CCDC198: variants seen among roughly 807,000 people sequenced by gnomAD.
The protein encoded by CCDC198 is factor associated with metabolism and energy.
CCDC198 carries 18 observed loss-of-function variants against 35.6 expected under a neutral mutation model. The ratio of observed to expected loss-of-function variants is 0.51; its 90% confidence interval spans 0.35 to 0.75. CCDC198 has a LOEUF of 0.75. Ranked by LOEUF, CCDC198 falls within the 30% of genes least tolerant of loss-of-function variation. The pLI is 0.01. For missense variants in CCDC198, 365 were observed against 343.7 expected (o/e 1.06, Z -0.49); for synonymous variants, 119 against 113.4 (o/e 1.05, Z -0.31).
At chr14:57,480,496 T>C in intron 5 of CCDC198, 99 bp downstream of exon 5, 1 of 1,390,274 alleles carries the variant, frequency 7.2e-7, no homozygotes, top group Non-Finnish European at 9.9e-7. Context: ...AGCTCAAAGC[T>C]GTTTGCTGTC....
In CCDC198 at chr14:57,480,695, T is replaced by C. The variant is rs778692926; in HGVS notation, c.555A>G (p.Pro185=). The change falls in exon 5 of 6, where the codon CCA becomes CCG. Residue 185 remains proline (P), a synonymous_variant. Transcript: ENST00000216445. ...GGGTTTTCTTGGCTTTATGGTCCCT[T>C]GGACTTTGCTTATTAATTCTTGCCT... ...HGEARINKQS[P]RDHKAKKTLQ... The C allele has an allele frequency of 1.2e-6, 2 of 1,614,042 alleles. No homozygotes were observed. The highest frequency in any genetic ancestry group is 1.7e-6 in the Non-Finnish European group (2 of 1,180,008).
At position 57,480,289 on chromosome 14, in the gene CCDC198, A is replaced by G. The variant is rs1028229052; in HGVS notation, c.655+306T>C. On this transcript the variant is annotated intron_variant, in intron 5 of 5. Transcript: ENST00000216445. ...TTCATATGCTTCATTCTCTCTAACC[A>G]CAAGATGAGGCTATTTTGCCTTTTC... 2.6e-5 allele frequency: 26 copies of G among 985,274 alleles called. No homozygotes were observed. The African/African-American group carries it at 4.2e-4, about 16-fold the overall frequency. 61.0% of individuals were successfully genotyped at this position (985,274 alleles called of 1,614,324 possible).
At chr14:57,488,501 C>G (rs988280711) in intron 2 of CCDC198, among the ~76,000 whole-genome samples, 1 of 152,088 alleles carries the variant, frequency 6.6e-6, no homozygotes, top group Non-Finnish European at 1.5e-5. Context: ...CATTCATTTA[C>G]TCATTCATTT....
At chr14:57,478,167 T>G (rs772955149) in intron 5 of CCDC198, among the ~76,000 whole-genome samples, 25 of 152,346 alleles carry the variant, frequency 1.6e-4, no homozygotes, top group Admixed American at 4.6e-4. Context: ...TGCCAGCTGC[T>G]TTAACTTTCC....
rs1243441209 is a variant in CCDC198, at chr14:57,469,425, A to G, written c.*1930T>C. The G allele has an allele frequency of 6.6e-6, 1 of 152,202 alleles. No homozygotes were observed. The highest frequency in any genetic ancestry group is 1.5e-5 in the Non-Finnish European group (1 of 68,038). The allele number at this position is 152,202 out of a possible 1,614,324, so 9.4% of individuals were successfully genotyped here. ...AGCTCACAGTTCATTAAGCTTGTGG[A>G]AGTGGGTTTCGTGAAATTGAATTTT... On this transcript the variant is annotated 3_prime_UTR_variant, in exon 6 of 6. Transcript: ENST00000216445.
chr14:57,490,569 T>G (rs2067529127), intron 2 of CCDC198, among the ~76,000 whole-genome samples: 1 of 152,164 alleles, frequency 6.6e-6, no homozygotes, highest in Non-Finnish European at 1.5e-5. Flanking sequence ...AAAACAAAGA[T>G]AATTCTTCCT....
At chr14:57,493,086 G>A (rs2067630582) in intron 1 of CCDC198, among the ~76,000 whole-genome samples, 1 of 152,116 alleles carries the variant, frequency 6.6e-6, no homozygotes, top group Admixed American at 6.6e-5. Flanking sequence ...AAACCACAAA[G>A]TCTGGTGCAT....
Position 57,493,761 on chromosome 14 carries a change from T to C in CCDC198, c.-46A>G. ...AGGAAAGCTGCGAGGGAAGTGGTTTTGGGGTCTTTAATATAGCTTATTTTA... is the reference window on the plus strand; with the variant it reads ...AGGAAAGCTGCGAGGGAAGTGGTTTCGGGGTCTTTAATATAGCTTATTTTA... On this transcript the variant is annotated 5_prime_UTR_variant, in exon 1 of 6. Coordinates refer to ENST00000216445, the MANE Select transcript of CCDC198 (RefSeq NM_018168.4). 6.7e-7 allele frequency: 1 copy of C among 1,489,610 alleles called. No homozygotes were observed. Among genetic ancestry groups the C allele is most frequent in the Non-Finnish European group, 9.3e-7 (1 of 1,079,528 alleles). The allele number at this position is 1,489,610 out of a possible 1,614,324, so 92.3% of individuals were successfully genotyped here. A position where few individuals can be genotyped will look rare whatever the true frequency, so the allele number is the denominator to read the frequency against.
chr14:57,471,379 G>A lies in CCDC198; in HGVS notation c.867C>T (p.Phe289=), dbSNP rs146789384. Residue 289 remains phenylalanine, a synonymous_variant, in exon 6 of 6, where the codon TTC becomes TTT. Coordinates refer to ENST00000216445, the MANE Select transcript of CCDC198 (RefSeq NM_018168.4). The part of the protein sequence containing the change: ...VRTRTERIPL[F]DEFFDQE ...CTTATTCTTGATCAAAAAACTCATC[G>A]AAAAGTGGGATTCTCTCTGTCCTGG... The A allele has an allele frequency of 3.3e-5, 53 of 1,612,886 alleles. 1 individual carries two copies. The highest frequency in any genetic ancestry group is 2.5e-4 in the African/African-American group (19 of 74,962).
chr14:57,477,315 C>T (rs1383960812), intron 5 of CCDC198, among the ~76,000 whole-genome samples: 1 of 152,162 alleles, frequency 6.6e-6, no homozygotes, highest in African/African-American at 2.4e-5. Context: ...GTGATATTTG[C>T]TTTACTTCTC....
In CCDC198 at chr14:57,483,045, A is replaced by G. The variant is rs1463604912; in HGVS notation, c.393+20T>C. On this transcript the variant is annotated intron_variant, in intron 3 of 5. Transcript: ENST00000216445. Reference sequence around the variant, plus strand: ...CCCACCCCCAGTTCACCTCCCTGTCAGGTTACTGCTGCAGCTCACCTTTGC... The same window carrying G: ...CCCACCCCCAGTTCACCTCCCTGTCGGGTTACTGCTGCAGCTCACCTTTGC... The G allele has an allele frequency of 3.7e-6, 6 of 1,613,876 alleles. No individual in the cohort carries two copies. The highest frequency in any genetic ancestry group is 2.2e-5 in the East Asian group (1 of 44,862).
At position 57,470,401 on chromosome 14, in the gene CCDC198, C is replaced by T. The variant is rs1366293186; in HGVS notation, c.*954G>A. On this transcript the variant is annotated 3_prime_UTR_variant, in exon 6 of 6. Transcript: ENST00000216445. ...CCAGGCTGGAGTGCAGTGGAGTGAT[C>T]TTGGCTCATTGCAACCTCTATCTCC... 1 of 152,170 alleles carries T rather than the reference C, an allele frequency of 6.6e-6. No homozygotes were observed. Among genetic ancestry groups the T allele is most frequent in the African/African-American group, 2.4e-5 (1 of 41,420 alleles). The allele number at this position is 152,170 out of a possible 1,614,324, so 9.4% of individuals were successfully genotyped here.
chr14:57,470,974 G>T lies in CCDC198; in HGVS notation c.*381C>A. 1 of 174,118 alleles carries T rather than the reference G, an allele frequency of 5.7e-6. No individual in the cohort carries two copies. The highest frequency in any genetic ancestry group is 1.4e-4 in the South Asian group (1 of 7,192). 10.8% of individuals were successfully genotyped at this position (174,118 alleles called of 1,614,324 possible). ...TGCTCTGAGGCTACATGGATAGGGG[G>T]CAAGGTCCCCCTGTGTCAGTGTCCT... On this transcript the variant is annotated 3_prime_UTR_variant, in exon 6 of 6. Transcript: ENST00000216445.
intron 5 of CCDC198, among the ~76,000 whole-genome samples, chr14:57,476,964 G>C (rs2067018376): frequency 1.3e-5 from 2 of 152,208 alleles, no homozygotes; most frequent in African/African-American, 2.4e-5. Context: ...AGAGGTGAAG[G>C]CTGTCGCCTC....
Position 57,471,354 on chromosome 14 carries a change from C to G in CCDC198, c.*1G>C. ...AGTTTCTAGGTTAATGAATAGTATTCTTATTCTTGATCAAAAAACTCATCG... is the reference window on the plus strand; with the variant it reads ...AGTTTCTAGGTTAATGAATAGTATTGTTATTCTTGATCAAAAAACTCATCG... On this transcript the variant is annotated 3_prime_UTR_variant, in exon 6 of 6. Coordinates refer to ENST00000216445, the MANE Select transcript of CCDC198 (RefSeq NM_018168.4). The G allele has an allele frequency of 6.2e-7, 1 of 1,607,390 alleles. No individual in the cohort carries two copies. Among genetic ancestry groups the G allele is most frequent in the Non-Finnish European group, 8.5e-7 (1 of 1,174,854 alleles).
At chr14:57,490,343 G>A (rs898682413) in intron 2 of CCDC198, among the ~76,000 whole-genome samples, 2 of 152,178 alleles carry the variant, frequency 1.3e-5, no homozygotes, top group African/African-American at 2.4e-5. Context: ...ATTTATTGGG[G>A]TGAATGCGTT....
rs1171682127 is a variant in CCDC198, at chr14:57,490,018, T to A, written c.306+971A>T. Reference sequence around the variant, plus strand: ...AATATTTTGGGAAAAGATACTCTTTTGAGACAAAATGATACAATCACTTCA... The same window carrying A: ...AATATTTTGGGAAAAGATACTCTTTAGAGACAAAATGATACAATCACTTCA... On this transcript the variant is annotated intron_variant, in intron 2 of 5. Transcript: ENST00000216445. 4.6e-5 allele frequency among the ~76,000 whole-genome samples: 7 copies of A among 152,122 alleles called. No homozygotes were observed. The East Asian group carries it at 1.3e-3, about 29-fold the overall frequency.
chr14:57,471,596 A>G lies in CCDC198; in HGVS notation c.656-6T>C. On this transcript the variant is annotated splice_region_variant and splice_polypyrimidine_tract_variant and intron_variant, in intron 5 of 5. Transcript: ENST00000216445. Reference sequence around the variant, plus strand: ...TTCTGTATTCTTTGAATTTCCTACAAAAAAATTAAGTTTCTTTAATTTTTT... The same window carrying G: ...TTCTGTATTCTTTGAATTTCCTACAGAAAAATTAAGTTTCTTTAATTTTTT... 2 of 1,504,150 alleles carry G rather than the reference A, an allele frequency of 1.3e-6. No homozygotes were observed. The highest frequency in any genetic ancestry group is 1.8e-6 in the Non-Finnish European group (2 of 1,105,874). 93.2% of individuals were successfully genotyped at this position (1,504,150 alleles called of 1,614,324 possible).
chr14:57,481,947 A>G (rs1382230503), intron 3 of CCDC198, among the ~76,000 whole-genome samples: 1 of 152,186 alleles, frequency 6.6e-6, no homozygotes, highest in Non-Finnish European at 1.5e-5. Flanking sequence ...TTGGCAAGAT[A>G]TCACTTCCTT....
Sources: gnomAD v4.1 joint callset for allele counts (sites outside exome capture counted in the v4.1 genomes callset) on GRCh38, gnomAD v4.1.1 for gene constraint, MANE v1.5 for transcripts, NCBI Gene and HGNC (gene_info 2026-07-23, HGNC 2026-07-21) for gene names.